C12orf54: variants seen among roughly 807,000 people sequenced by gnomAD.
C12orf54 encodes the protein uncharacterized protein C12orf54.
In C12orf54, 24 loss-of-function variants were observed where a neutral mutation model predicts 26.4. The observed-to-expected ratio is 0.91, with a 90% CI of 0.66 to 1.28. The LOEUF is 1.28. C12orf54 is among the 50% of genes most tolerant of loss of function. C12orf54 has a pLI of 0.00. For missense variants in C12orf54, 154 were observed against 150.9 expected (o/e 1.02, Z -0.11); for synonymous variants, 54 against 47.0 (o/e 1.15, Z -0.61).
At chr12:48,424,935 C>A in the C12orf54 span, among the ~76,000 whole-genome samples, 2 of 152,034 alleles carry the variant, frequency 1.3e-5, no homozygotes, top group Non-Finnish European at 2.9e-5. Context: ...AGGAAACAAT[C>A]TGTTGCAATG....
At chr12:48,487,311 T>G (rs1422429744) in intron 4 of C12orf54, among the ~76,000 whole-genome samples, 1 of 152,194 alleles carries the variant, frequency 6.6e-6, no homozygotes, top group Non-Finnish European at 1.5e-5. Flanking sequence ...ACTTTTGAAC[T>G]TATAGGAAAC....
the C12orf54 span, among the ~76,000 whole-genome samples, chr12:48,455,393 C>T: frequency 2.2e-4 from 33 of 152,178 alleles, no homozygotes; most frequent in Non-Finnish European, 3.4e-4. Context: ...TTGTGAAAAG[C>T]GCTGTGATGA....
At chr12:48,434,163 T>G in the C12orf54 span, among the ~76,000 whole-genome samples, 1 of 152,124 alleles carries the variant, frequency 6.6e-6, no homozygotes, top group African/African-American at 2.4e-5. Context: ...CCTCGCTCAT[T>G]GCGAGCACAG....
At chr12:48,449,168 A>G in the C12orf54 span, among the ~76,000 whole-genome samples, 19,285 of 152,208 alleles carry the variant, frequency 0.13, 1,612 homozygotes, top group Non-Finnish European at 0.2. Context: ...ACAATAGATG[A>G]CAACTGTTTC....
chr12:48,414,367 G>A, the C12orf54 span, among the ~76,000 whole-genome samples: 10 of 152,186 alleles, frequency 6.6e-5, no homozygotes, highest in East Asian at 3.8e-4. Context: ...GCAGTTCTCC[G>A]GAAAATCTGG....
chr12:48,473,405 C>A, the C12orf54 span: 1 of 792,942 alleles, frequency 1.3e-6, no homozygotes, highest in Non-Finnish European at 2.1e-6. Context: ...AGGGAGAAGA[C>A]GATGCCTAAG....
chr12:48,451,966 C>A, the C12orf54 span, among the ~76,000 whole-genome samples: 2 of 152,108 alleles, frequency 1.3e-5, no homozygotes, highest in African/African-American at 4.8e-5. Flanking sequence ...ATATTCTTCA[C>A]AGAATTAGAA....
chr12:48,423,486 G>A, the C12orf54 span, among the ~76,000 whole-genome samples: 3 of 151,998 alleles, frequency 2.0e-5, no homozygotes, highest in African/African-American at 4.8e-5. Flanking sequence ...TTCGCAAAAA[G>A]TGAAAGTATG....
At chr12:48,433,737 G>A in the C12orf54 span, among the ~76,000 whole-genome samples, 1,228 of 152,266 alleles carry the variant, frequency 8.1e-3, 26 homozygotes, top group African/African-American at 0.028. Context: ...GTGAGCCACC[G>A]CACCCGGCCA....
chr12:48,455,018 G>A, the C12orf54 span, among the ~76,000 whole-genome samples: 115 of 152,258 alleles, frequency 7.6e-4, no homozygotes, highest in African/African-American at 1.7e-3. Flanking sequence ...GGTAAATTGC[G>A]TGTCACTGGA....
chr12:48,483,488 G>T, intron 2 of C12orf54, 127 bp downstream of exon 2: 2 of 700,466 alleles, frequency 2.9e-6, no homozygotes, highest in Non-Finnish European at 2.4e-6. Flanking sequence ...AATAAGATGG[G>T]GACTTTCATG....
At chr12:48,432,246 A>T in the C12orf54 span, among the ~76,000 whole-genome samples, 10 of 152,146 alleles carry the variant, frequency 6.6e-5, no homozygotes, top group African/African-American at 1.9e-4. Flanking sequence ...AAATGTTTTT[A>T]TTGCATGCCT....
At chr12:48,486,603 G>A (rs981747808) in intron 3 of C12orf54, 85 bp from the exon 4 acceptor site, 8 of 1,410,010 alleles carry the variant, frequency 5.7e-6, no homozygotes, top group Non-Finnish European at 7.9e-6. Flanking sequence ...GAAACATCTT[G>A]TCTTCCACCA....
At chr12:48,474,994 C>A in the C12orf54 span, among the ~76,000 whole-genome samples, 13 of 152,326 alleles carry the variant, frequency 8.5e-5, no homozygotes, top group East Asian at 2.3e-3. Context: ...GGGAGGCACC[C>A]CCCAGTAGGG....
chr12:48,494,170 G>C (rs1937860217), intron 7 of C12orf54, among the ~76,000 whole-genome samples: 1 of 150,670 alleles, frequency 6.6e-6, no homozygotes, highest in Admixed American at 6.6e-5. Flanking sequence ...AGTGAGCTGA[G>C]ATTGTGCCAT....
chr12:48,437,616 G>A, the C12orf54 span, among the ~76,000 whole-genome samples: 28 of 152,200 alleles, frequency 1.8e-4, no homozygotes, highest in African/African-American at 5.8e-4. Flanking sequence ...ATCAGTAAAC[G>A]TAATCCAGCA....
At chr12:48,437,103 T>C in the C12orf54 span, among the ~76,000 whole-genome samples, 1 of 152,148 alleles carries the variant, frequency 6.6e-6, no homozygotes, top group African/African-American at 2.4e-5. Context: ...CAAACTACCA[T>C]AAGAGAGTGC....
chr12:48,445,739 T>C, the C12orf54 span, among the ~76,000 whole-genome samples: 8 of 152,224 alleles, frequency 5.3e-5, no homozygotes, highest in Non-Finnish European at 1.0e-4. Context: ...GAGGTCTTAA[T>C]TGCTAACTTG....
At chr12:48,474,449 C>T in the C12orf54 span, among the ~76,000 whole-genome samples, 1 of 152,204 alleles carries the variant, frequency 6.6e-6, no homozygotes, top group African/African-American at 2.4e-5. Flanking sequence ...GAGGCATCAT[C>T]TCACCCAGGA....
Sources: gnomAD v4.1 joint callset for allele counts (sites outside exome capture counted in the v4.1 genomes callset) on GRCh38, gnomAD v4.1.1 for gene constraint, MANE v1.5 for transcripts, NCBI Gene and HGNC (gene_info 2026-07-23, HGNC 2026-07-21) for gene names.